The following NTF3 variants were observed in gnomAD, a reference collection of about 807,000 sequenced individuals.
The protein encoded by NTF3 is neurotrophin-3.
A neutral mutation model predicts 26.3 loss-of-function variants in NTF3; 8 were observed. The observed-to-expected ratio is 0.30, with a 90% CI of 0.18 to 0.55. NTF3 has a LOEUF of 0.55. Ranked by LOEUF, NTF3 falls within the 20% of genes least tolerant of loss-of-function variation. The pLI, the probability that NTF3 is intolerant of heterozygous loss-of-function variation, is 0.93. For synonymous variants in NTF3, 154 were observed against 145.5 expected, an observed-to-expected ratio of 1.06 and a Z score of -0.42; for missense variants, 276 against 352.9, an observed-to-expected ratio of 0.78 and a Z score of 1.75.
At chr12:5,432,801 C>G (rs1324238774) in intron 1 of NTF3, among the ~76,000 whole-genome samples, 1 of 152,078 alleles carries the variant, frequency 6.6e-6, no homozygotes. Flanking sequence ...CCAACCGACC[C>G]GCCTGCTCCT....
intron 1 of NTF3, among the ~76,000 whole-genome samples, chr12:5,475,646 G>A (rs1940712851): frequency 6.6e-6 from 1 of 151,916 alleles, no homozygotes; most frequent in African/African-American, 2.4e-5. Flanking sequence ...ACCAGCCTGT[G>A]CAACATGGCA....
chr12:5,482,294 C>G (rs1229370454), intron 1 of NTF3, among the ~76,000 whole-genome samples: 2 of 152,202 alleles, frequency 1.3e-5, no homozygotes, highest in African/African-American at 2.4e-5. Flanking sequence ...CCTCTTGGGA[C>G]AAGGTACAGG....
intron 1 of NTF3, among the ~76,000 whole-genome samples, chr12:5,479,564 A>G (rs1460789774): frequency 6.6e-6 from 1 of 152,236 alleles, no homozygotes; most frequent in Non-Finnish European, 1.5e-5. Context: ...CAGGATCAGG[A>G]GTCGGGAAGC....
At position 5,479,220 on chromosome 12, in the gene NTF3, G is replaced by C. The variant is rs187871470; in HGVS notation, c.19-14974G>C. On this transcript the variant is annotated intron_variant, in intron 1 of 1. Transcript: ENST00000423158. Reference sequence around the variant, plus strand: ...GGAGATAGCGGTTGAGGCTGGTGAAGCTTCCCTCCGGTTAGAATTAGAGAG... The same window carrying C: ...GGAGATAGCGGTTGAGGCTGGTGAACCTTCCCTCCGGTTAGAATTAGAGAG... Among the ~76,000 whole-genome samples the C allele has an allele frequency of 5.4e-3, 822 of 152,320 alleles. 8 individuals are homozygous for C. Among genetic ancestry groups the C allele is most frequent in the Non-Finnish European group, 9.8e-3 (667 of 68,022 alleles).
chr12:5,492,042 G>T (rs577370530), intron 1 of NTF3, among the ~76,000 whole-genome samples: 9 of 152,182 alleles, frequency 5.9e-5, no homozygotes, highest in African/African-American at 2.2e-4. Context: ...CTGCATTTAG[G>T]TTGTCCTCAT....
At chr12:5,459,075 A>C (rs1051150144) in intron 1 of NTF3, among the ~76,000 whole-genome samples, 2 of 152,160 alleles carry the variant, frequency 1.3e-5, no homozygotes, top group Admixed American at 1.3e-4. Context: ...CTCTTTGCTG[A>C]TTGGCTTTCC....
chr12:5,455,417 T>G (rs944178401), intron 1 of NTF3, among the ~76,000 whole-genome samples: 2 of 152,108 alleles, frequency 1.3e-5, no homozygotes, highest in Non-Finnish European at 2.9e-5. Flanking sequence ...GGACGATGCA[T>G]GCAAGTCAGG....
chr12:5,478,629 C>T (rs1051678276), intron 1 of NTF3, among the ~76,000 whole-genome samples: 1 of 152,236 alleles, frequency 6.6e-6, no homozygotes, highest in Non-Finnish European at 1.5e-5. Context: ...CTTGAAGGAA[C>T]TTTTTGGAGT....
intron 1 of NTF3, among the ~76,000 whole-genome samples, chr12:5,489,200 GC>G (rs1222596409): frequency 7.2e-5 from 11 of 152,220 alleles, no homozygotes; most frequent in African/African-American, 2.4e-4. Flanking sequence ...TGTGGGGGAT[GC>G]TTTCATAGGG....
intron 1 of NTF3, among the ~76,000 whole-genome samples, chr12:5,484,657 C>T (rs867184593): frequency 4.6e-5 from 7 of 152,102 alleles, no homozygotes; most frequent in African/African-American, 1.2e-4. Context: ...GAGGGGTCTC[C>T]GCAGATGGCA....
In NTF3 at chr12:5,494,544, C is replaced by T; in HGVS notation, c.369C>T (p.Thr123=). 6.2e-7 allele frequency: 1 copy of T among 1,614,072 alleles called. No homozygotes were observed. Among genetic ancestry groups the T allele is most frequent in the Non-Finnish European group, 8.5e-7 (1 of 1,180,012 alleles). The stretch of plus-strand genomic sequence containing the variant: ...CGCGGGTCCTGCTGAGCGACAGCAC[C>T]CCCTTGGAGCCCCCGCCCTTGTATC... ...NSPRVLLSDS[T]PLEPPPLYLM... The change falls in exon 2 of 2, where the codon ACC becomes ACT. Residue 123 remains threonine, a synonymous_variant. Transcript: ENST00000423158. The surrounding 1 kb of genome is among the most constrained non-coding windows in gnomAD (Gnocchi z 8.3).
upstream of NTF3, among the ~76,000 whole-genome samples, chr12:5,430,959 G>A (rs1253797799): frequency 2.6e-5 from 4 of 151,990 alleles, no homozygotes; most frequent in Non-Finnish European, 5.9e-5. Context: ...CCGGGCTCTC[G>A]ATTTCTCGTT....
intron 1 of NTF3, among the ~76,000 whole-genome samples, chr12:5,490,330 C>G (rs2121253989): frequency 6.6e-6 from 1 of 152,326 alleles, no homozygotes; most frequent in East Asian, 1.9e-4. Flanking sequence ...GTGTCCAGCC[C>G]TATGCTGGGA....
chr12:5,452,496 C>T (rs1208951410), intron 1 of NTF3, among the ~76,000 whole-genome samples: 1 of 152,172 alleles, frequency 6.6e-6, no homozygotes, highest in African/African-American at 2.4e-5. Flanking sequence ...GCACATTTTC[C>T]TTTTGGTCAC....
chr12:5,482,801 A>C (rs1251699951), intron 1 of NTF3, among the ~76,000 whole-genome samples: 2 of 138,808 alleles, frequency 1.4e-5, no homozygotes, highest in Middle Eastern at 4.5e-3. Flanking sequence ...TTCTCTCTGT[A>C]TCGCTCTTTT....
At chr12:5,477,139 T>A (rs7965731) in intron 1 of NTF3, among the ~76,000 whole-genome samples, 33,195 of 152,122 alleles carry the variant, frequency 0.22, 4,880 homozygotes, top group African/African-American at 0.42. Context: ...GAGTTTTTAT[T>A]CTCTAGTTTC....
At chr12:5,463,582 G>A (rs1940550122) in intron 1 of NTF3, among the ~76,000 whole-genome samples, 3 of 152,142 alleles carry the variant, frequency 2.0e-5, no homozygotes, top group Admixed American at 6.5e-5. Flanking sequence ...ACAAGAATGA[G>A]GATATGGAGA....
intron 1 of NTF3, among the ~76,000 whole-genome samples, chr12:5,451,003 T>C (rs1839102355): frequency 6.6e-6 from 1 of 152,210 alleles, no homozygotes; most frequent in African/African-American, 2.4e-5. Flanking sequence ...GACTCTTTTC[T>C]GATTCCAGAG....
At chr12:5,443,808 C>T (rs1241464547) in intron 1 of NTF3, among the ~76,000 whole-genome samples, 2 of 152,038 alleles carry the variant, frequency 1.3e-5, no homozygotes, top group Non-Finnish European at 2.9e-5. Flanking sequence ...AGGAAACCTC[C>T]AGGGTGTTTA....
Sources: gnomAD v4.1 joint callset for allele counts (sites outside exome capture counted in the v4.1 genomes callset) on GRCh38, gnomAD v4.1.1 for gene constraint, Gnocchi (gnomAD v3.1) non-coding constraint, MANE v1.5 for transcripts, NCBI Gene and HGNC (gene_info 2026-07-23, HGNC 2026-07-21) for gene names.